TBC1D7: variants seen among roughly 807,000 people sequenced by gnomAD.
The protein encoded by TBC1D7 is TBC1 domain family member 7.
In TBC1D7, 33 loss-of-function variants were observed where a neutral mutation model predicts 35.3. The observed-to-expected ratio is 0.93, with a 90% CI of 0.71 to 1.25. TBC1D7 has a LOEUF of 1.25. Among genes scored for constraint, TBC1D7 ranks in the 50% most tolerant of loss-of-function variants. The pLI, the probability that TBC1D7 is intolerant of heterozygous loss-of-function variation, is 0.00. For synonymous variants in TBC1D7, 135 were observed against 129.5 expected (o/e 1.04, Z -0.29); for missense variants, 362 against 365.3 (o/e 0.99, Z 0.07).
At chr6:13,315,964 T>C (rs1266606446) in intron 5 of TBC1D7, among the ~76,000 whole-genome samples, 1 of 152,236 alleles carries the variant, frequency 6.6e-6, no homozygotes, top group Non-Finnish European at 1.5e-5. Context: ...CTTGTCCCTC[T>C]TATTCCTTTG....
intron 4 of TBC1D7, among the ~76,000 whole-genome samples, chr6:13,317,744 C>T (rs1783736786): frequency 6.6e-6 from 1 of 152,222 alleles, no homozygotes; most frequent in African/African-American, 2.4e-5. Flanking sequence ...ATATCACTGA[C>T]TGCTCCTGAC....
At chr6:13,311,436 T>C (rs2919685) in intron 5 of TBC1D7, among the ~76,000 whole-genome samples, 46,837 of 152,112 alleles carry the variant, frequency 0.31, 7,495 homozygotes, top group South Asian at 0.46. Flanking sequence ...TTCTTTTGAG[T>C]CCATCACTGT....
At position 13,304,995 on chromosome 6, in the gene TBC1D7, A is replaced by G; in HGVS notation, c.*106T>C. On this transcript the variant is annotated 3_prime_UTR_variant, in exon 8 of 8. Transcript: ENST00000379300. ...TTGGGGGAAAAAAACCACTTTGAGC[A>G]CCAAAGCAAGAAAAGTGTATTATTC... is the stretch of plus-strand genomic sequence containing the variant. 1 of 961,330 alleles carries G rather than the reference A, an allele frequency of 1.0e-6. No individual in the cohort carries two copies. The highest frequency in any genetic ancestry group is 1.5e-6 in the Non-Finnish European group (1 of 658,808). The allele number at this position is 961,330 out of a possible 1,614,324, so 59.6% of individuals were successfully genotyped here.
At chr6:13,306,307 A>C in intron 7 of TBC1D7, 91 bp downstream of exon 7, 1 of 1,200,394 alleles carries the variant, frequency 8.3e-7, no homozygotes, top group Non-Finnish European at 1.2e-6. Context: ...TCATGTAATT[A>C]TTTCTCTGAA....
chr6:13,315,842 A>G (rs1783568514), intron 5 of TBC1D7, among the ~76,000 whole-genome samples: 1 of 152,236 alleles, frequency 6.6e-6, no homozygotes, highest in Admixed American at 6.5e-5. Context: ...GTCAAAAGTT[A>G]TATGCAGAGT....
intron 6 of TBC1D7, chr6:13,307,381 T>A: frequency 4.3e-6 from 2 of 467,532 alleles, no homozygotes; most frequent in Non-Finnish European, 7.6e-6. Context: ...GAGGTGTGAC[T>A]GCTTCACAGC....
At chr6:13,313,736 A>C (rs1783397190) in intron 5 of TBC1D7, among the ~76,000 whole-genome samples, 1 of 152,160 alleles carries the variant, frequency 6.6e-6, no homozygotes, top group Non-Finnish European at 1.5e-5. Flanking sequence ...TGGAGCTTTT[A>C]AGAAATTAGA....
Position 13,304,997 on chromosome 6 carries a change from C to G in TBC1D7, c.*104G>C. The G allele has an allele frequency of 1.0e-6, 1 of 990,298 alleles. No individual in the cohort carries two copies. The highest frequency in any genetic ancestry group is 1.8e-5 in the South Asian group (1 of 56,986). 61.3% of individuals were successfully genotyped at this position (990,298 alleles called of 1,614,324 possible). ...GGGGGAAAAAAACCACTTTGAGCAC[C>G]AAAGCAAGAAAAGTGTATTATTCAA... On this transcript the variant is annotated 3_prime_UTR_variant, in exon 8 of 8. Transcript: ENST00000379300.
At chr6:13,307,012 C>A (rs1782853416) in intron 6 of TBC1D7, 1 of 155,232 alleles carries the variant, frequency 6.4e-6, no homozygotes, top group African/African-American at 2.4e-5. Flanking sequence ...TGATCTATAA[C>A]CACTCTAAAA....
chr6:13,320,794 A>G, intron 4 of TBC1D7, 114 bp downstream of exon 4: 1 of 948,282 alleles, frequency 1.1e-6, no homozygotes, highest in Non-Finnish European at 1.7e-6. Flanking sequence ...CTTTTATTCT[A>G]ATAACAACAG....
chr6:13,306,787 T>C (rs1782837662), intron 6 of TBC1D7: 1 of 238,102 alleles, frequency 4.2e-6, no homozygotes. Flanking sequence ...CAAAATCATA[T>C]TCCCTCATGT....
At position 13,304,951 on chromosome 6, in the gene TBC1D7, T is replaced by G. The variant is rs575120697; in HGVS notation, c.*150A>C. 2 of 598,016 alleles carry G rather than the reference T, an allele frequency of 3.3e-6. No individual in the cohort carries two copies. Among genetic ancestry groups the G allele is most frequent in the Non-Finnish European group, 5.7e-6 (2 of 349,468 alleles). The allele number at this position is 598,016 out of a possible 1,614,324, so 37.0% of individuals were successfully genotyped here. A position where few individuals can be genotyped will look rare whatever the true frequency, so the allele number is the denominator to read the frequency against. The stretch of plus-strand genomic sequence containing the variant: ...CTCGCCAACACAGCAACACCAGGCA[T>G]TTCAATTAAATAATTTTATTGGGGG... On this transcript the variant is annotated 3_prime_UTR_variant, in exon 8 of 8. Transcript: ENST00000379300.
chr6:13,326,971 CAA>C (rs1784444182), intron 1 of TBC1D7, 65 bp from the exon 2 acceptor site: 9 of 879,616 alleles, frequency 1.0e-5, no homozygotes, highest in South Asian at 1.5e-5. Flanking sequence ...AGTCTAGAAA[CAA>C]AGAGTCAAGA....
chr6:13,309,188 T>C (rs947967208), intron 5 of TBC1D7, among the ~76,000 whole-genome samples: 30 of 152,238 alleles, frequency 2.0e-4, no homozygotes, highest in African/African-American at 7.0e-4. Context: ...AGGGGATATA[T>C]GCACTTTTTT....
Position 13,325,090 on chromosome 6 carries a change from A to C in TBC1D7, c.193+4T>G, listed in dbSNP as rs111608977. 2.4e-5 allele frequency: 39 copies of C among 1,605,806 alleles called. No homozygotes were observed. The African/African-American group carries it at 3.9e-4, about 16-fold the overall frequency. ...ATAAATCTTCCAACTCCTGGGTCTC[A>C]TACCTAGAAGCACCTTCCATACCAA... On this transcript the variant is annotated splice_donor_region_variant and intron_variant, in intron 3 of 7. Coordinates refer to ENST00000379300, the MANE Select transcript of TBC1D7 (RefSeq NM_016495.6).
At chr6:13,320,468 T>A (rs530663000) in intron 4 of TBC1D7, 3 of 420,662 alleles carry the variant, frequency 7.1e-6, no homozygotes, top group East Asian at 8.6e-5. Flanking sequence ...AAAAAAAAAA[T>A]GTGTTTAAAA....
intron 5 of TBC1D7, among the ~76,000 whole-genome samples, chr6:13,311,713 T>C (rs976751854): frequency 1.3e-5 from 2 of 152,158 alleles, no homozygotes; most frequent in East Asian, 3.9e-4. Flanking sequence ...AACGAAAGTT[T>C]AAGGGACATG....
intron 4 of TBC1D7, among the ~76,000 whole-genome samples, chr6:13,317,297 G>A (rs937552722): frequency 2.4e-4 from 37 of 152,272 alleles, no homozygotes; most frequent in Middle Eastern, 3.4e-3. Context: ...CTCAGAATGC[G>A]AAAGTAAACT....
At position 13,323,078 on chromosome 6, in the gene TBC1D7, C is replaced by T. The variant is rs192739119; in HGVS notation, c.194-1983G>A. Reference sequence around the variant, plus strand: ...ACATGATAAAGAAAGGTGGGCCGAGCGCGGTGTCTCATGCCTGTAATCCCA... The same window carrying T: ...ACATGATAAAGAAAGGTGGGCCGAGTGCGGTGTCTCATGCCTGTAATCCCA... On this transcript the variant is annotated intron_variant, in intron 3 of 7. Coordinates refer to ENST00000379300, the MANE Select transcript of TBC1D7 (RefSeq NM_016495.6). 4.7e-3 allele frequency among the ~76,000 whole-genome samples: 720 copies of T among 152,238 alleles called. 3 individuals carry two copies. Among genetic ancestry groups the T allele is most frequent in the Non-Finnish European group, 7.1e-3 (480 of 68,026 alleles).
Sources: allele counts gnomAD v4.1 joint callset (sites outside exome capture counted in the v4.1 genomes callset), GRCh38; gene constraint gnomAD v4.1.1; transcripts MANE v1.5; gene names NCBI Gene and HGNC (gene_info 2026-07-23, HGNC 2026-07-21).